DRC9: variants seen among roughly 807,000 people sequenced by gnomAD.
DRC9 encodes the protein dynein regulatory complex subunit 9, also known as dynein regulatory complex protein 9.
At chr3:197,900,568 G>C in the DRC9 span, among the ~76,000 whole-genome samples, 1 of 139,996 alleles carries the variant, frequency 7.1e-6, no homozygotes, top group Non-Finnish European at 1.6e-5. The surrounding 1 kb of genome is among the most constrained non-coding windows in gnomAD (Gnocchi z 4.7). Context: ...ACAAGGCTCT[G>C]GGCAGAGGAT....
the DRC9 span, among the ~76,000 whole-genome samples, chr3:197,924,666 C>T: frequency 1.3e-5 from 2 of 152,092 alleles, no homozygotes; most frequent in Non-Finnish European, 1.5e-5. Context: ...ACTACAGGTG[C>T]GCACCACCAC....
At chr3:197,947,380 G>A in the DRC9 span, among the ~76,000 whole-genome samples, 1 of 152,150 alleles carries the variant, frequency 6.6e-6, no homozygotes, top group African/African-American at 2.4e-5. Context: ...TTAGGACAAA[G>A]AAGAAAATTC....
At chr3:197,917,935 A>G in the DRC9 span, among the ~76,000 whole-genome samples, 1 of 151,618 alleles carries the variant, frequency 6.6e-6, no homozygotes, top group Non-Finnish European at 1.5e-5. Context: ...GGGTTTCACC[A>G]TGTTGGCCAG....
At chr3:197,901,008 G>A in the DRC9 span, among the ~76,000 whole-genome samples, 2 of 152,148 alleles carry the variant, frequency 1.3e-5, no homozygotes, top group East Asian at 1.9e-4. This position sits in a 1 kb window ranked among gnomAD's most constrained non-coding sequence, Gnocchi z 4.4. Context: ...ACATGGTAGT[G>A]GCTATGGTGA....
chr3:197,897,122 A>C, the DRC9 span, among the ~76,000 whole-genome samples: 1 of 152,134 alleles, frequency 6.6e-6, no homozygotes, highest in Non-Finnish European at 1.5e-5. Context: ...TACAGAAATA[A>C]AGGACTTTTT....
the DRC9 span, chr3:197,912,829 G>T: frequency 2.3e-5 from 26 of 1,154,136 alleles, no homozygotes; most frequent in East Asian, 4.7e-5. Context: ...GCAGCAGCTC[G>T]GTCGGTAGCT....
chr3:197,950,030 G>A, the DRC9 span: 1 of 905,264 alleles, frequency 1.1e-6, no homozygotes, highest in Admixed American at 4.3e-5. Context: ...AAGATGAAAG[G>A]ACTTAGGAAA....
At chr3:197,894,822 G>A in the DRC9 span, among the ~76,000 whole-genome samples, 14 of 152,158 alleles carry the variant, frequency 9.2e-5, no homozygotes. Flanking sequence ...CCAGCAGTTT[G>A]GAAGGCAGAG....
the DRC9 span, among the ~76,000 whole-genome samples, chr3:197,902,889 A>G: frequency 6.6e-6 from 1 of 152,200 alleles, no homozygotes; most frequent in East Asian, 1.9e-4. Flanking sequence ...ATCCTGAGTA[A>G]AAATAAACTG....
the DRC9 span, among the ~76,000 whole-genome samples, chr3:197,891,203 T>C: frequency 1.8e-4 from 28 of 152,224 alleles, no homozygotes; most frequent in Admixed American, 5.2e-4. Flanking sequence ...GCCTAGGTTT[T>C]GCTTCCGCTG....
the DRC9 span, among the ~76,000 whole-genome samples, chr3:197,901,144 G>C: frequency 9.9e-5 from 15 of 152,128 alleles, no homozygotes; most frequent in African/African-American, 3.6e-4. The surrounding 1 kb of genome is among the most constrained non-coding windows in gnomAD (Gnocchi z 4.4). Context: ...TTCAGGCCTT[G>C]ACTCTTTTTT....
chr3:197,926,139 A>G, the DRC9 span: 2 of 1,246,878 alleles, frequency 1.6e-6, no homozygotes, highest in Non-Finnish European at 2.4e-6. Context: ...TGTTTAGAGC[A>G]GTGCTTCTCA....
At chr3:197,934,464 C>A in the DRC9 span, among the ~76,000 whole-genome samples, 1 of 152,082 alleles carries the variant, frequency 6.6e-6, no homozygotes, top group Non-Finnish European at 1.5e-5. Context: ...GGATTACAGG[C>A]GTGAGCCACG....
the DRC9 span, among the ~76,000 whole-genome samples, chr3:197,948,778 ACT>A: frequency 6.6e-6 from 1 of 152,098 alleles, no homozygotes; most frequent in African/African-American, 2.4e-5. Context: ...GTCATACTTT[ACT>A]CTCTCTCATT....
the DRC9 span, among the ~76,000 whole-genome samples, chr3:197,929,970 G>A: frequency 1.3e-5 from 2 of 151,724 alleles, no homozygotes; most frequent in Non-Finnish European, 2.9e-5. This position sits in a 1 kb window ranked among gnomAD's most constrained non-coding sequence, Gnocchi z 4.6. Flanking sequence ...AAAACAAATG[G>A]GAGAAAAAGT....
chr3:197,942,840 G>A, the DRC9 span, among the ~76,000 whole-genome samples: 18 of 151,182 alleles, frequency 1.2e-4, no homozygotes, highest in South Asian at 8.3e-4. Flanking sequence ...CCCGGGAGGC[G>A]GAGGTTGCGG....
At chr3:197,955,631 T>G in the DRC9 span, 58 of 918,824 alleles carry the variant, frequency 6.3e-5, no homozygotes, top group Non-Finnish European at 8.9e-5. Flanking sequence ...ATAAAAACTT[T>G]CCTTACCACT....
chr3:197,896,495 T>A, the DRC9 span, among the ~76,000 whole-genome samples: 1 of 152,140 alleles, frequency 6.6e-6, no homozygotes, highest in East Asian at 1.9e-4. Context: ...ATAAATTAAT[T>A]ACAAACAAAT....
chr3:197,891,514 G>T, the DRC9 span: 33 of 1,598,996 alleles, frequency 2.1e-5, no homozygotes, highest in Admixed American at 3.3e-5. Flanking sequence ...TTTTCTATAC[G>T]ATCTTCAATG....
Sources: allele counts gnomAD v4.1 joint callset (sites outside exome capture counted in the v4.1 genomes callset), GRCh38; gene constraint gnomAD v4.1.1; non-coding constraint Gnocchi (gnomAD v3.1); transcripts MANE v1.5; gene names NCBI Gene and HGNC (gene_info 2026-07-23, HGNC 2026-07-21).